ZDHHC6: variants seen among roughly 807,000 people sequenced by gnomAD.
ZDHHC6 encodes zDHHC palmitoyltransferase 6.
ZDHHC6 carries 32 observed loss-of-function variants against 57.8 expected under a neutral mutation model. The observed-to-expected ratio is 0.55, with a 90% CI of 0.42 to 0.74. ZDHHC6 has a LOEUF of 0.74. Ranked by LOEUF, ZDHHC6 falls within the 30% of genes least tolerant of loss-of-function variation. The pLI is 0.00. For missense variants in ZDHHC6, 433 were observed against 500.7 expected (o/e 0.86, Z 1.29); for synonymous variants, 128 against 158.0 (o/e 0.81, Z 1.42).
At chr10:112,440,750 G>T in intron 4 of ZDHHC6, 55 bp from the exon 5 acceptor site, 1 of 1,540,496 alleles carries the variant, frequency 6.5e-7, no homozygotes. Flanking sequence ...TAACTGGTCA[G>T]ACTCTACTGT....
downstream of ZDHHC6, chr10:112,425,423 A>G: frequency 3.1e-6 from 5 of 1,613,840 alleles, no homozygotes; most frequent in South Asian, 1.1e-5. Context: ...AAGATAGAAA[A>G]TATCTACAAC....
At chr10:112,433,066 C>G (rs1845187021) in intron 8 of ZDHHC6, among the ~76,000 whole-genome samples, 174 bp downstream of exon 8, 1 of 152,010 alleles carries the variant, frequency 6.6e-6, no homozygotes, top group African/African-American at 2.4e-5. Flanking sequence ...CCTCTAGTCC[C>G]AATTATTTAA....
rs1296080064 is a variant in ZDHHC6, at chr10:112,445,408, A to G, written c.29T>C (p.Phe10Ser). Residue 10 changes from phenylalanine to serine, a missense_variant, in exon 2 of 11, where the codon TTT becomes TCT. Coordinates refer to ENST00000369405, the MANE Select transcript of ZDHHC6 (RefSeq NM_022494.3). The part of the protein sequence containing the change: MGTFCSVIK[F>S]ENLQELKRLC... ...TCTCTTTAATTCTTGTAGATTTTCA[A>G]ACTTGATAACCGAACAGAATGTACC... The G allele has an allele frequency of 1.2e-6, 2 of 1,614,086 alleles. No homozygotes were observed. The highest frequency in any genetic ancestry group is 1.3e-5 in the African/African-American group (1 of 74,928).
At chr10:112,432,672 C>T in intron 8 of ZDHHC6, 151 bp from the exon 9 acceptor site, 1 of 919,666 alleles carries the variant, frequency 1.1e-6, no homozygotes, top group Admixed American at 3.0e-5. Flanking sequence ...TCCCCATCCA[C>T]CTAGTTCCCT....
chr10:112,447,265 G>C, upstream of ZDHHC6: 2 of 1,208,138 alleles, frequency 1.7e-6, no homozygotes, highest in Non-Finnish European at 2.3e-6. Flanking sequence ...TCTCCGTTCT[G>C]CTCTCGGGGG....
At chr10:112,446,428 A>G (rs1846732640) in intron 1 of ZDHHC6, among the ~76,000 whole-genome samples, 1 of 152,050 alleles carries the variant, frequency 6.6e-6, no homozygotes, top group African/African-American at 2.4e-5. Context: ...CTCCGGAGAG[A>G]TTTGTGGAAG....
intron 2 of ZDHHC6, among the ~76,000 whole-genome samples, 170 bp downstream of exon 2, chr10:112,445,000 C>A (rs546972402): frequency 6.6e-6 from 1 of 151,966 alleles, no homozygotes; most frequent in Admixed American, 6.6e-5. Flanking sequence ...TGTGTTCAAA[C>A]AGATATGAAA....
intron 5 of ZDHHC6, among the ~76,000 whole-genome samples, chr10:112,439,694 C>G (rs186703865): frequency 6.7e-4 from 91 of 136,430 alleles, no homozygotes; most frequent in African/African-American, 2.2e-3. Context: ...GGTTTTTGGT[C>G]CCTTCAGAGC....
intron 6 of ZDHHC6, among the ~76,000 whole-genome samples, chr10:112,435,085 C>T (rs1845398371): frequency 6.6e-6 from 1 of 152,130 alleles, no homozygotes; most frequent in South Asian, 2.1e-4. Context: ...ACACATAACT[C>T]ATTTATATAT....
chr10:112,425,484 A>G (rs1183347912), downstream of ZDHHC6: 3 of 1,599,324 alleles, frequency 1.9e-6, no homozygotes, highest in African/African-American at 4.1e-5. Flanking sequence ...GCTTACGGGT[A>G]ATATATCATT....
chr10:112,439,265 C>T (rs1383545455), intron 5 of ZDHHC6, among the ~76,000 whole-genome samples: 1 of 152,122 alleles, frequency 6.6e-6, no homozygotes, highest in African/African-American at 2.4e-5. Context: ...TTCCAAGGGC[C>T]TAGCATAATA....
At position 112,439,628 on chromosome 10, in the gene ZDHHC6, TAAAAAAAAAAAAAAAAAAAAAAAAAA is replaced by T. The variant is rs869272293; in HGVS notation, c.681+880_681+905del. On this transcript the variant is annotated intron_variant, in intron 5 of 10. Coordinates refer to ENST00000369405, the MANE Select transcript of ZDHHC6 (RefSeq NM_022494.3). The stretch of plus-strand genomic sequence containing the variant: ...CTGGGTGACAGAGTGAGACTCCGTC[TAAAAAAAAAAAAAAAAAAAAAAAAAA>T]AAAAAAAAAAAAAAAGAATGAAAAA... Among the ~76,000 whole-genome samples the T allele has an allele frequency of 1.4e-3, 43 of 31,304 alleles. 2 individuals carry two copies. Among genetic ancestry groups the T allele is most frequent in the African/African-American group, 3.0e-3 (18 of 6,084 alleles). 20.5% of individuals were successfully genotyped at this position (31,304 alleles called of 152,430 possible).
At chr10:112,425,276 T>A in exon 12 of ZDHHC6, 1 of 1,442,226 alleles carries the variant, frequency 6.9e-7, no homozygotes, top group Non-Finnish European at 9.4e-7. Context: ...ACTTCACCAC[T>A]CTCCCCACTG....
chr10:112,427,321 C>A (rs1233673863), downstream of ZDHHC6: 1 of 1,613,676 alleles, frequency 6.2e-7, no homozygotes, highest in Non-Finnish European at 8.5e-7. Flanking sequence ...TACTTTCGGA[C>A]CCAAATTGAC....
downstream of ZDHHC6, among the ~76,000 whole-genome samples, chr10:112,429,161 A>G (rs559769341): frequency 5.4e-4 from 82 of 152,320 alleles, no homozygotes; most frequent in East Asian, 1.9e-3. Flanking sequence ...AGAAATATCT[A>G]TTCTTAAGGA....
chr10:112,443,498 G>C lies in ZDHHC6; in HGVS notation c.359+17C>G. The C allele has an allele frequency of 6.2e-7, 1 of 1,610,520 alleles. No individual in the cohort carries two copies. ...TTAGTTGATCAGTCCTCGCTGAACA[G>C]CAAGAAAGACAGGTACCTGTTACAC... On this transcript the variant is annotated intron_variant, in intron 3 of 10. Transcript: ENST00000369405.
intron 6 of ZDHHC6, among the ~76,000 whole-genome samples, chr10:112,436,263 TGA>T (rs1845519514): frequency 6.6e-6 from 1 of 152,032 alleles, no homozygotes; most frequent in African/African-American, 2.4e-5. Context: ...TTACTTGAGG[TGA>T]GGAGTTTGAG....
intron 10 of ZDHHC6, 151 bp from the exon 11 acceptor site, chr10:112,431,058 G>GA: frequency 4.7e-6 from 3 of 642,568 alleles, no homozygotes; most frequent in Middle Eastern, 2.6e-4. Context: ...GTTTGAAGGG[G>GA]AAAAAAATAA....
chr10:112,445,680 TAAAAC>T (rs922091792), intron 1 of ZDHHC6, 30 bp from the exon 2 acceptor site: 3 of 539,382 alleles, frequency 5.6e-6, no homozygotes, highest in East Asian at 5.6e-5. Flanking sequence ...AAAGTTCAGT[TAAAAC>T]AAAACAAAAC....
Sources: gnomAD v4.1 joint callset for allele counts (sites outside exome capture counted in the v4.1 genomes callset) on GRCh38, gnomAD v4.1.1 for gene constraint, MANE v1.5 for transcripts, NCBI Gene and HGNC (gene_info 2026-07-23, HGNC 2026-07-21) for gene names.